ATP10B: variants seen among roughly 807,000 people sequenced by gnomAD.
The protein encoded by ATP10B is phospholipid-transporting ATPase VB.
A neutral mutation model predicts 141.2 loss-of-function variants in ATP10B; 122 were observed. The ratio of observed to expected loss-of-function variants is 0.86; its 90% confidence interval spans 0.75 to 1.00. The LOEUF is 1.00. Among genes scored for constraint, ATP10B ranks in the 50% least tolerant of loss-of-function variants. The pLI, the probability that ATP10B is intolerant of heterozygous loss-of-function variation, is 0.00. For missense variants in ATP10B, 1,876 were observed against 1,825.3 expected (o/e 1.03, Z -0.51); for synonymous variants, 685 against 692.0 (o/e 0.99, Z 0.16).
At chr5:160,762,026 C>A (rs4921329) in intron 2 of ATP10B, among the ~76,000 whole-genome samples, 1 of 151,726 alleles carries the variant, frequency 6.6e-6, no homozygotes, top group African/African-American at 2.4e-5. Flanking sequence ...CCCACAAAGA[C>A]AATTTAAAAA....
chr5:160,865,770 A>G, the ATP10B span, among the ~76,000 whole-genome samples: 1 of 152,100 alleles, frequency 6.6e-6, no homozygotes, highest in East Asian at 1.9e-4. Flanking sequence ...TGAATAGACA[A>G]TTCTCAAAAC....
the ATP10B span, among the ~76,000 whole-genome samples, chr5:160,864,767 ACAT>A: frequency 1.3e-5 from 2 of 152,026 alleles, no homozygotes; most frequent in African/African-American, 4.8e-5. Flanking sequence ...TAACTGCTGT[ACAT>A]CAACAACACA....
At chr5:160,902,704 C>T in the ATP10B span, among the ~76,000 whole-genome samples, 5 of 152,154 alleles carry the variant, frequency 3.3e-5, no homozygotes, top group Admixed American at 3.3e-4. Flanking sequence ...GATAGCAGTG[C>T]TTAGTATTTT....
the ATP10B span, among the ~76,000 whole-genome samples, chr5:160,891,264 G>A: frequency 6.6e-6 from 1 of 152,086 alleles, no homozygotes; most frequent in Non-Finnish European, 1.5e-5. Flanking sequence ...TTTGCCAGGT[G>A]GCAGAGTAAG....
At chr5:160,735,440 G>A (rs544179073) in intron 2 of ATP10B, among the ~76,000 whole-genome samples, 80 of 152,092 alleles carry the variant, frequency 5.3e-4, no homozygotes, top group African/African-American at 1.9e-3. Context: ...TTTAGCAGGA[G>A]GATATAACAA....
Position 160,585,840 on chromosome 5 carries a change from G to C in ATP10B, c.3750+3752C>G, listed in dbSNP as rs144255269. Among the ~76,000 whole-genome samples, 168 of 152,178 alleles carry C rather than the reference G, an allele frequency of 1.1e-3. No homozygotes were observed. In the Middle Eastern group the frequency reaches 0.014, roughly 12 times the overall value. The stretch of plus-strand genomic sequence containing the variant: ...TTCTCTTCTTCTTCCCTTCCTCATT[G>C]TATTGCAGCCTCTTCTGGTGTTTCT... On this transcript the variant is annotated intron_variant, in intron 24 of 25. Coordinates refer to ENST00000327245, the MANE Select transcript of ATP10B (RefSeq NM_025153.3).
chr5:160,652,472 TATTC>T (rs1561700001), intron 7 of ATP10B, among the ~76,000 whole-genome samples: 2 of 114,074 alleles, frequency 1.8e-5, no homozygotes, highest in South Asian at 3.0e-4. Flanking sequence ...TTTATTTATT[TATTC>T]GAGACAGGGT....
At chr5:160,645,715 C>A (rs1760231909) in intron 8 of ATP10B, among the ~76,000 whole-genome samples, 1 of 152,132 alleles carries the variant, frequency 6.6e-6, no homozygotes, top group Non-Finnish European at 1.5e-5. Context: ...ACTTTCCAAA[C>A]CTATTTGGGA....
intron 7 of ATP10B, among the ~76,000 whole-genome samples, chr5:160,658,103 C>T (rs987052839): frequency 6.6e-5 from 10 of 152,214 alleles, no homozygotes; most frequent in African/African-American, 2.4e-4. Flanking sequence ...TTAAGTTGTT[C>T]ATGAGAGATA....
rs1034408596 is a variant in ATP10B at position 160,586,143 on chromosome 5, G to T, written c.3750+3449C>A. 5.3e-5 allele frequency among the ~76,000 whole-genome samples: 8 copies of T among 152,050 alleles called. No individual in the cohort carries two copies. In the East Asian group the frequency reaches 9.6e-4, roughly 18 times the overall value. ...TCCCTCCGCTTGTTCCCCACCTCCT[G>T]ACAGTCCCCAGTGTGTGTTGTTCCC... On this transcript the variant is annotated intron_variant, in intron 24 of 25. Coordinates refer to ENST00000327245, the MANE Select transcript of ATP10B (RefSeq NM_025153.3).
chr5:160,615,547 T>C lies in ATP10B; in HGVS notation c.2653+291A>G, dbSNP rs1016135543. Among the ~76,000 whole-genome samples, 4 of 151,908 alleles carry C rather than the reference T, an allele frequency of 2.6e-5. No individual in the cohort carries two copies. In the South Asian group the frequency reaches 8.4e-4, roughly 32 times the overall value. The stretch of plus-strand genomic sequence containing the variant: ...AGCATGTCACTTGGCACATAGTAGG[T>C]GCTTAGCAAACATTTGAATGAAGGG... On this transcript the variant is annotated intron_variant, in intron 17 of 25. Coordinates refer to ENST00000327245, the MANE Select transcript of ATP10B (RefSeq NM_025153.3).
chr5:160,827,063 T>C lies in ATP10B; in HGVS notation c.-576+24878A>G, dbSNP rs1168359307. Among the ~76,000 whole-genome samples, 3 of 152,122 alleles carry C rather than the reference T, an allele frequency of 2.0e-5. No homozygotes were observed. In the East Asian group the frequency reaches 5.8e-4, roughly 29 times the overall value. On this transcript the variant is annotated intron_variant, in intron 1 of 25. Transcript: ENST00000327245. Reference sequence around the variant, plus strand: ...CCTTTTTGCCATTTGAAGCATGTGATCTTTGTGACCTACACCCTGTTCCTA... The same window carrying C: ...CCTTTTTGCCATTTGAAGCATGTGACCTTTGTGACCTACACCCTGTTCCTA...
At chr5:160,761,175 C>A (rs896462661) in intron 2 of ATP10B, among the ~76,000 whole-genome samples, 1 of 152,182 alleles carries the variant, frequency 6.6e-6, no homozygotes, top group Non-Finnish European at 1.5e-5. Context: ...GCCTGCAACA[C>A]CATGGCTAAC....
chr5:160,566,277 A>T (rs533346666), intron 25 of ATP10B, among the ~76,000 whole-genome samples: 1 of 152,292 alleles, frequency 6.6e-6, no homozygotes, highest in South Asian at 2.1e-4. Flanking sequence ...TCAGAACCAC[A>T]CTCTCTGAAT....
intron 1 of ATP10B, among the ~76,000 whole-genome samples, chr5:160,808,331 T>C (rs918206193): frequency 3.3e-5 from 5 of 152,190 alleles, no homozygotes; most frequent in Non-Finnish European, 5.9e-5. Flanking sequence ...GAAATGGTGA[T>C]TGTAGCATAT....
chr5:160,899,321 T>A, the ATP10B span, among the ~76,000 whole-genome samples: 1 of 152,108 alleles, frequency 6.6e-6, no homozygotes, highest in Non-Finnish European at 1.5e-5. Context: ...AATACCAAAT[T>A]TTCTAATATT....
At chr5:160,844,256 A>G (rs555325751) in intron 1 of ATP10B, among the ~76,000 whole-genome samples, 1 of 152,308 alleles carries the variant, frequency 6.6e-6, no homozygotes, top group Non-Finnish European at 1.5e-5. Context: ...AAAACTGTTC[A>G]TAGGAACATT....
the ATP10B span, among the ~76,000 whole-genome samples, chr5:160,912,783 G>A: frequency 3.3e-5 from 5 of 152,252 alleles, no homozygotes; most frequent in Admixed American, 6.5e-5. Context: ...TCCTACCCCC[G>A]GGTAGATAGT....
At chr5:160,926,837 G>A in the ATP10B span, among the ~76,000 whole-genome samples, 3 of 152,212 alleles carry the variant, frequency 2.0e-5, no homozygotes, top group South Asian at 6.2e-4. Flanking sequence ...ATTTCTTTTG[G>A]TACTGTGGAT....
Sources: allele counts gnomAD v4.1 joint callset (sites outside exome capture counted in the v4.1 genomes callset), GRCh38; gene constraint gnomAD v4.1.1; transcripts MANE v1.5; gene names NCBI Gene and HGNC (gene_info 2026-07-23, HGNC 2026-07-21).